Variants in DYNLT2B observed in about 807,000 individuals in gnomAD.
DYNLT2B encodes the protein dynein light chain Tctex-type 2B.
Under a neutral mutation model 19.5 loss-of-function variants are expected in DYNLT2B, and 14 were observed. The observed-to-expected ratio is 0.72, with a 90% confidence interval of 0.47 to 1.12. DYNLT2B has a LOEUF of 1.12. Ranked by LOEUF, DYNLT2B falls within the 50% of genes most tolerant of loss-of-function variation. The pLI is 0.00. For missense variants in DYNLT2B, 133 were observed against 174.7 expected (o/e 0.76, Z 1.35); for synonymous variants, 70 against 59.7 (o/e 1.17, Z -0.79).
chr3:196,291,589 C>G (rs1052447680), intron 4 of DYNLT2B, among the ~76,000 whole-genome samples: 2 of 152,180 alleles, frequency 1.3e-5, no homozygotes, highest in Non-Finnish European at 2.9e-5. Flanking sequence ...GGCAATCCTT[C>G]TACCTCAGCC....
At chr3:196,309,191 G>C (rs1726567420) in intron 2 of DYNLT2B, among the ~76,000 whole-genome samples, 1 of 152,214 alleles carries the variant, frequency 6.6e-6, no homozygotes, top group Non-Finnish European at 1.5e-5. Context: ...TGAGGCGGGA[G>C]GATCTCTTAA....
intron 4 of DYNLT2B, among the ~76,000 whole-genome samples, chr3:196,293,155 A>G (rs1726135583): frequency 6.6e-6 from 1 of 151,924 alleles, no homozygotes; most frequent in African/African-American, 2.4e-5. Flanking sequence ...CACCCAGCCT[A>G]AAGTTTTTTA....
At chr3:196,316,347 AT>A (rs61388787) in intron 1 of DYNLT2B, 116 bp from the exon 2 acceptor site, 13 of 1,047,374 alleles carry the variant, frequency 1.2e-5, no homozygotes, top group Middle Eastern at 2.2e-4. Context: ...TCTTTTTCAT[AT>A]TTTTTATTAT....
At chr3:196,294,942 A>G (rs190564392) in intron 4 of DYNLT2B, among the ~76,000 whole-genome samples, 6 of 152,036 alleles carry the variant, frequency 3.9e-5, no homozygotes, top group African/African-American at 1.2e-4. Context: ...AGGTTTCACA[A>G]TGTTGGCCAG....
intron 3 of DYNLT2B, among the ~76,000 whole-genome samples, chr3:196,301,129 G>A (rs911894314): frequency 5.9e-5 from 9 of 152,046 alleles, no homozygotes; most frequent in African/African-American, 2.2e-4. Flanking sequence ...AGATGAGTTG[G>A]CACAAGAAAA....
chr3:196,295,904 G>T, intron 4 of DYNLT2B, 102 bp downstream of exon 4: 1 of 955,964 alleles, frequency 1.0e-6, no homozygotes, highest in South Asian at 1.5e-5. Context: ...AAAGATGAAT[G>T]ACTAAGACAG....
At chr3:196,300,828 C>T (rs964469988) in intron 3 of DYNLT2B, among the ~76,000 whole-genome samples, 14 of 150,618 alleles carry the variant, frequency 9.3e-5, no homozygotes, top group Non-Finnish European at 8.8e-5. Flanking sequence ...GAGGCCAAGG[C>T]AGGAGAATCA....
At chr3:196,317,062 GGTGT>G (rs140998103) in intron 1 of DYNLT2B, among the ~76,000 whole-genome samples, 3,908 of 52,094 alleles carry the variant, frequency 0.075, 463 homozygotes, top group African/African-American at 0.11. Flanking sequence ...GTGTGTGTGT[GGTGT>G]GTGTGTGTGT....
At chr3:196,307,780 A>C (rs1185646762) in intron 2 of DYNLT2B, among the ~76,000 whole-genome samples, 1 of 151,674 alleles carries the variant, frequency 6.6e-6, no homozygotes, top group Non-Finnish European at 1.5e-5. Flanking sequence ...AAAGAACTCA[A>C]AGGAAAATAG....
At chr3:196,294,115 G>A (rs1005791475) in intron 4 of DYNLT2B, among the ~76,000 whole-genome samples, 3 of 151,798 alleles carry the variant, frequency 2.0e-5, no homozygotes, top group Admixed American at 6.6e-5. Context: ...ACTCTGGGAG[G>A]CCGAGGCGGG....
intron 1 of DYNLT2B, among the ~76,000 whole-genome samples, chr3:196,317,439 T>C (rs1353011093): frequency 1.9e-5 from 1 of 53,552 alleles, no homozygotes; most frequent in African/African-American, 7.0e-5. Flanking sequence ...GAGTACCCTC[T>C]GCTCTGGCCC....
In DYNLT2B at chr3:196,304,155, TAG is replaced by T. The variant is rs1726424606; in HGVS notation, c.317+2786_317+2787del. Reference sequence around the variant, plus strand: ...TTTTTTATTTTTTTATTTTTTGAGATAGAGTTTCACTCTGTTCCCCAGGCTGG... The same window carrying T: ...TTTTTTATTTTTTTATTTTTTGAGATAGTTTCACTCTGTTCCCCAGGCTGG... On this transcript the variant is annotated intron_variant, in intron 3 of 4. Transcript: ENST00000325318. Among the ~76,000 whole-genome samples, 4 of 152,154 alleles carry T rather than the reference TAG, an allele frequency of 2.6e-5. No individual in the cohort carries two copies. In the South Asian group the frequency reaches 8.4e-4, roughly 32 times the overall value.
intron 3 of DYNLT2B, among the ~76,000 whole-genome samples, chr3:196,299,886 G>A (rs1270610681): frequency 6.6e-6 from 1 of 152,126 alleles, no homozygotes; most frequent in Non-Finnish European, 1.5e-5. Flanking sequence ...AGCCGAGATG[G>A]CACCACTGCA....
At chr3:196,305,183 C>T (rs542337716) in intron 3 of DYNLT2B, among the ~76,000 whole-genome samples, 3 of 152,200 alleles carry the variant, frequency 2.0e-5, no homozygotes, top group South Asian at 2.1e-4. Flanking sequence ...CACGCCCGGC[C>T]CTGATGGGAA....
At chr3:196,295,918 T>G in intron 4 of DYNLT2B, 88 bp downstream of exon 4, 2 of 1,083,774 alleles carry the variant, frequency 1.8e-6, no homozygotes, top group South Asian at 2.7e-5. Context: ...AAGACAGCAG[T>G]GTCTTTCCAT....
chr3:196,315,530 C>T (rs1040460836), intron 2 of DYNLT2B, among the ~76,000 whole-genome samples: 6 of 151,356 alleles, frequency 4.0e-5, no homozygotes, highest in Non-Finnish European at 5.9e-5. Context: ...CAAAGTGCTG[C>T]GATTACAGGC....
In DYNLT2B at chr3:196,296,085, A is replaced by C. The variant is rs752477457; in HGVS notation, c.318-16T>G. ...AGAAGCCATGCTAAAAAATCCAAGA[A>C]TGAAGAATTATCAACAATCTAACAA... is the stretch of plus-strand genomic sequence containing the variant. On this transcript the variant is annotated splice_polypyrimidine_tract_variant and intron_variant, in intron 3 of 4. Coordinates refer to ENST00000325318, the MANE Select transcript of DYNLT2B (RefSeq NM_152773.5). 2 of 1,611,556 alleles carry C rather than the reference A, an allele frequency of 1.2e-6. No individual in the cohort carries two copies. Among genetic ancestry groups the C allele is most frequent in the South Asian group, 2.2e-5 (2 of 91,026 alleles).
intron 3 of DYNLT2B, among the ~76,000 whole-genome samples, chr3:196,305,456 A>G (rs1726462250): frequency 6.6e-6 from 1 of 152,228 alleles, no homozygotes; most frequent in African/African-American, 2.4e-5. Flanking sequence ...GAAACTCTAC[A>G]GGACAAACAA....
intron 3 of DYNLT2B, among the ~76,000 whole-genome samples, chr3:196,300,468 G>A (rs987252261): frequency 1.3e-5 from 2 of 152,082 alleles, no homozygotes; most frequent in African/African-American, 4.8e-5. Context: ...AGTGGCTCAC[G>A]CCCATAATCC....
Sources: allele counts gnomAD v4.1 joint callset (sites outside exome capture counted in the v4.1 genomes callset), GRCh38; gene constraint gnomAD v4.1.1; transcripts MANE v1.5; gene names NCBI Gene and HGNC (gene_info 2026-07-23, HGNC 2026-07-21).